TMEM63A: variants seen among roughly 807,000 people sequenced by gnomAD.
The protein encoded by TMEM63A is mechanosensitive cation channel TMEM63A.
Under a neutral mutation model 100.6 loss-of-function variants are expected in TMEM63A, and 76 were observed. That is an observed-to-expected ratio of 0.76 (90% CI 0.63 to 0.91). The LOEUF (loss-of-function observed/expected upper bound fraction) is 0.91. Among genes scored for constraint, TMEM63A ranks in the 40% least tolerant of loss-of-function variants. The pLI, the probability that TMEM63A is intolerant of heterozygous loss-of-function variation, is 0.00. For synonymous variants in TMEM63A, 401 were observed against 401.1 expected (o/e 1.00, Z 0.00); for missense variants, 876 against 1,008.8 (o/e 0.87, Z 1.78).
chr1:225,845,060 C>A, downstream of TMEM63A: 2 of 1,433,418 alleles, frequency 1.4e-6, no homozygotes, highest in Non-Finnish European at 9.8e-7. Flanking sequence ...GCTGATCTCA[C>A]CCCCAGGCGC....
chr1:225,860,009 G>A (rs34804481), intron 14 of TMEM63A: 2,326 of 153,592 alleles, frequency 0.015, 41 homozygotes, highest in Middle Eastern at 0.047. Flanking sequence ...TCTTCCCAAC[G>A]GGGCTGTAGC....
At chr1:225,849,835 A>G in intron 21 of TMEM63A, 77 bp downstream of exon 21, 1 of 1,544,508 alleles carries the variant, frequency 6.5e-7, no homozygotes, top group South Asian at 1.2e-5. Flanking sequence ...TGTGAAAGCA[A>G]TGAGGGATCT....
rs771970422 is a variant in TMEM63A, at chr1:225,847,065, ACACTGCCCGTGGCGCTCTGCGC to A, written c.2377_2398del (p.Ala793TrpfsTer30). The stretch of plus-strand genomic sequence containing the variant: ...TCAGGCCTCCTGGGGGGCAGCAGCC[ACACTGCCCGTGGCGCTCTGCGC>A]CAAGCACTGTCCAGGGATAGTCCCG... On this transcript the variant is annotated frameshift_variant, in exon 24 of 25. Transcript: ENST00000366835. LOFTEE classifies it high-confidence loss of function. 18 of 1,612,692 alleles carry A rather than the reference ACACTGCCCGTGGCGCTCTGCGC, an allele frequency of 1.1e-5. No individual in the cohort carries two copies. Among genetic ancestry groups the A allele is most frequent in the Non-Finnish European group, 1.4e-5 (17 of 1,179,544 alleles).
intron 4 of TMEM63A, among the ~76,000 whole-genome samples, chr1:225,872,438 T>G (rs543128598): frequency 2.0e-5 from 3 of 152,300 alleles, no homozygotes; most frequent in Admixed American, 1.3e-4. Flanking sequence ...TGGTTGTAAT[T>G]TGCACAATTA....
At chr1:225,878,226 T>C (rs988217466) in intron 2 of TMEM63A, among the ~76,000 whole-genome samples, 2 of 139,294 alleles carry the variant, frequency 1.4e-5, no homozygotes, top group East Asian at 5.3e-4. Context: ...AAAGTTAAGG[T>C]TAAGGAGCTG....
At chr1:225,873,571 G>A (rs113428369) in intron 4 of TMEM63A, among the ~76,000 whole-genome samples, 4 of 152,286 alleles carry the variant, frequency 2.6e-5, no homozygotes, top group African/African-American at 9.6e-5. Context: ...ACAGCCAGCT[G>A]GAGCTGGAAC....
At chr1:225,850,992 A>T (rs544652860) in intron 20 of TMEM63A, among the ~76,000 whole-genome samples, 8 of 151,760 alleles carry the variant, frequency 5.3e-5, no homozygotes, top group East Asian at 2.0e-4. Flanking sequence ...ATTACAGGCG[A>T]GAGCCACCGC....
chr1:225,877,318 A>T (rs1245152293), intron 3 of TMEM63A, 77 bp downstream of exon 3: 2 of 1,486,444 alleles, frequency 1.3e-6, no homozygotes, highest in Non-Finnish European at 1.8e-6. Context: ...TTCTCATCTA[A>T]GTTTCCCAGA....
rs1669637873 is a variant in TMEM63A at position 225,856,754 on chromosome 1, G to C, written c.1485-16C>G. The C allele has an allele frequency of 1.2e-6, 2 of 1,611,224 alleles. No homozygotes were observed. The highest frequency in any genetic ancestry group is 1.7e-6 in the Non-Finnish European group (2 of 1,178,984). On this transcript the variant is annotated splice_polypyrimidine_tract_variant and intron_variant, in intron 16 of 24. Coordinates refer to ENST00000366835, the MANE Select transcript of TMEM63A (RefSeq NM_014698.3). ...TTCCCCCGACCTGCAGGAAGTCAAA[G>C]GTGAGCACTCGCAGTCCCCCAAATG... is the stretch of plus-strand genomic sequence containing the variant.
downstream of TMEM63A, among the ~76,000 whole-genome samples, chr1:225,844,169 T>G (rs947740276): frequency 4.6e-5 from 7 of 152,106 alleles, no homozygotes; most frequent in African/African-American, 1.7e-4. Context: ...GTCACCACAG[T>G]AGCTGGTGCC....
intron 21 of TMEM63A, 34 bp from the exon 22 acceptor site, chr1:225,849,046 C>CCCACCCCA: frequency 5.5e-6 from 4 of 733,026 alleles, no homozygotes; most frequent in Non-Finnish European, 8.8e-6. Context: ...TTGGGGTGGG[C>CCCACCCCA]AGGGAGGGGC....
chr1:225,871,204 A>T (rs1670494294), intron 5 of TMEM63A, 91 bp from the exon 6 acceptor site: 1 of 1,356,208 alleles, frequency 7.4e-7, no homozygotes, highest in Non-Finnish European at 1.0e-6. Context: ...ATAACCATTT[A>T]ACCTCCTGTT....
Position 225,871,469 on chromosome 1 carries a change from C to T in TMEM63A, c.334-356G>A, listed in dbSNP as rs983542372. ...AACAAGCCTAATGGATTGGACGGTC[C>T]GCTGGAGTGGGTGTTAGGGGGAAAG... On this transcript the variant is annotated intron_variant, in intron 5 of 24. Coordinates refer to ENST00000366835, the MANE Select transcript of TMEM63A (RefSeq NM_014698.3). 4.9e-5 allele frequency: 12 copies of T among 246,704 alleles called. No individual in the cohort carries two copies. In the East Asian group the frequency reaches 6.9e-4, roughly 14 times the overall value. The allele number at this position is 246,704 out of a possible 1,614,324, so 15.3% of individuals were successfully genotyped here.
intron 5 of TMEM63A, 117 bp downstream of exon 5, chr1:225,871,870 C>A (rs903322746): frequency 4.0e-6 from 3 of 759,422 alleles, no homozygotes; most frequent in Non-Finnish European, 6.7e-6. Context: ...TTCGTCGATG[C>A]AGAAAAGCAC....
At position 225,852,696 on chromosome 1, in the gene TMEM63A, T is replaced by A; in HGVS notation, c.1871A>T (p.Tyr624Phe). The A allele has an allele frequency of 6.2e-7, 1 of 1,613,510 alleles. No individual in the cohort carries two copies. The highest frequency in any genetic ancestry group is 1.1e-5 in the South Asian group (1 of 91,034). The change falls in exon 20 of 25, where the codon TAC (tyrosine) becomes TTC (phenylalanine). Residue 624 changes from tyrosine (Y) to phenylalanine (F), a missense_variant. Transcript: ENST00000366835. ...MLCVFTVIVAYSITCPIIAPF... is the reference protein window; with the variant it reads ...MLCVFTVIVAFSITCPIIAPF... ...CGCGATGATGGGACAAGTGATGCTG[T>A]AGGCCACGATGACAGTGAAGACACA...
intron 22 of TMEM63A, 22 bp from the exon 23 acceptor site, chr1:225,848,576 T>TG: frequency 6.2e-7 from 1 of 1,613,588 alleles, no homozygotes; most frequent in South Asian, 1.1e-5. Flanking sequence ...AGCAAAAACT[T>TG]GCGATGATAA....
chr1:225,874,375 C>T lies in TMEM63A; in HGVS notation c.187-8G>A, dbSNP rs1245368646. 1 of 1,611,498 alleles carries T rather than the reference C, an allele frequency of 6.2e-7. No individual in the cohort carries two copies. Among genetic ancestry groups the T allele is most frequent in the Admixed American group, 1.7e-5 (1 of 59,372 alleles). On this transcript the variant is annotated splice_polypyrimidine_tract_variant and splice_region_variant and intron_variant, in intron 3 of 24. Coordinates refer to ENST00000366835, the MANE Select transcript of TMEM63A (RefSeq NM_014698.3). Reference sequence around the variant, plus strand: ...AAACACCAAGATTAAGAACTAAAAACAGAAAAGAAACCAAGTAAAAGCATA... The same window carrying T: ...AAACACCAAGATTAAGAACTAAAAATAGAAAAGAAACCAAGTAAAAGCATA...
At chr1:225,866,370 T>G in intron 9 of TMEM63A, 2 of 563,706 alleles carry the variant, frequency 3.5e-6, no homozygotes, top group Non-Finnish European at 6.3e-6. Context: ...CACCAGTAAC[T>G]GTCCAAATCT....
chr1:225,850,554 C>G (rs1361106216), intron 20 of TMEM63A, among the ~76,000 whole-genome samples: 1 of 152,134 alleles, frequency 6.6e-6, no homozygotes, highest in Non-Finnish European at 1.5e-5. Context: ...TTCAGGGGGT[C>G]GGCAATGTTA....
Sources: gnomAD v4.1 joint callset for allele counts (sites outside exome capture counted in the v4.1 genomes callset) on GRCh38, gnomAD v4.1.1 for gene constraint, MANE v1.5 for transcripts, NCBI Gene and HGNC (gene_info 2026-07-23, HGNC 2026-07-21) for gene names.